NEK6: variants seen among roughly 807,000 people sequenced by gnomAD.
The protein encoded by NEK6 is NIMA related kinase 6.
A neutral mutation model predicts 43.5 loss-of-function variants in NEK6; 27 were observed. That is an observed-to-expected ratio of 0.62 (90% CI 0.46 to 0.86). The LOEUF is 0.86. NEK6 is among the 40% of genes least tolerant of loss of function. The pLI is 0.00. For synonymous variants in NEK6, 167 were observed against 164.1 expected, an observed-to-expected ratio of 1.02 and a Z score of -0.14; for missense variants, 318 against 414.4, an observed-to-expected ratio of 0.77 and a Z score of 2.02.
intron 1 of NEK6, among the ~76,000 whole-genome samples, chr9:124,298,912 G>A (rs970194297): frequency 2.6e-5 from 4 of 152,164 alleles, no homozygotes; most frequent in Admixed American, 1.3e-4. Flanking sequence ...TCTTATTCCC[G>A]GTCCCCCTTG....
intron 1 of NEK6, among the ~76,000 whole-genome samples, chr9:124,300,690 C>T (rs1832922767): frequency 6.6e-6 from 1 of 152,162 alleles, no homozygotes; most frequent in Admixed American, 6.5e-5. Context: ...AACCCGCTGA[C>T]CGCGCCGGGG....
chr9:124,312,936 A>G (rs1326239102), intron 3 of NEK6, among the ~76,000 whole-genome samples: 6 of 152,176 alleles, frequency 3.9e-5, no homozygotes, highest in Non-Finnish European at 7.3e-5. Flanking sequence ...TTGTCATTTC[A>G]TCTCTCAGAT....
intron 1 of NEK6, among the ~76,000 whole-genome samples, chr9:124,269,293 T>G (rs1239264625): frequency 1.3e-5 from 2 of 151,946 alleles, no homozygotes; most frequent in Non-Finnish European, 2.9e-5. Flanking sequence ...TTAATTACTG[T>G]GCCGTGCTAC....
intron 5 of NEK6, among the ~76,000 whole-genome samples, chr9:124,325,302 T>C (rs374296594): frequency 2.0e-5 from 3 of 152,178 alleles, no homozygotes; most frequent in East Asian, 3.8e-4. Context: ...GGCCTAGCCC[T>C]CCCTCTTAGG....
rs535066418 is a variant in NEK6, at chr9:124,343,617, G to C, written c.717+3952G>C. Among the ~76,000 whole-genome samples, 1 of 152,274 alleles carries C rather than the reference G, an allele frequency of 6.6e-6. No homozygotes were observed. Among genetic ancestry groups the C allele is most frequent in the Non-Finnish European group, 1.5e-5 (1 of 68,002 alleles). On this transcript the variant is annotated intron_variant, in intron 8 of 9. Transcript: ENST00000320246. This position sits in a 1 kb window ranked among gnomAD's most constrained non-coding sequence, Gnocchi z 5.1. ...GGAGGAGAGCCACATCTGAGCCCAC[G>C]GCCATGTAATTGGAAAGAGGCCTCC...
chr9:124,348,850 C>T (rs2061841418), intron 9 of NEK6, among the ~76,000 whole-genome samples: 1 of 152,240 alleles, frequency 6.6e-6, no homozygotes, highest in Non-Finnish European at 1.5e-5. Context: ...TGAATCTTCC[C>T]CTCACCCATT....
Position 124,266,336 on chromosome 9 carries a change from A to G in NEK6, c.-30+8251A>G, listed in dbSNP as rs117334269. Among the ~76,000 whole-genome samples the G allele has an allele frequency of 3.2e-3, 485 of 152,288 alleles. 4 individuals carry two copies. The highest frequency in any genetic ancestry group is 0.019 in the South Asian group (92 of 4,820). On this transcript the variant is annotated intron_variant, in intron 1 of 9. Transcript: ENST00000320246. ...CGTTCTGCCCATTTTATAGATGAGG[A>G]AACAGAGACCCAGAGAGTCCAGGAT...
intron 2 of NEK6, among the ~76,000 whole-genome samples, chr9:124,306,338 A>G (rs907030491): frequency 6.6e-6 from 1 of 152,088 alleles, no homozygotes; most frequent in Non-Finnish European, 1.5e-5. Flanking sequence ...TGTTAATGAG[A>G]ATTGTCCTGG....
At chr9:124,268,027 G>A (rs1016975475) in intron 1 of NEK6, among the ~76,000 whole-genome samples, 1 of 152,214 alleles carries the variant, frequency 6.6e-6, no homozygotes, top group African/African-American at 2.4e-5. Context: ...GCTGTCTGCT[G>A]TGCGAAGTCT....
chr9:124,349,531 G>A (rs1830138097), intron 9 of NEK6, among the ~76,000 whole-genome samples: 1 of 152,168 alleles, frequency 6.6e-6, no homozygotes, highest in African/African-American at 2.4e-5. Flanking sequence ...AGTGAGAGGT[G>A]GTGCTCAGGA....
chr9:124,291,323 A>C (rs771013222), intron 1 of NEK6, among the ~76,000 whole-genome samples: 1 of 152,152 alleles, frequency 6.6e-6, no homozygotes, highest in Non-Finnish European at 1.5e-5. Context: ...AGAAAGGGTT[A>C]AGCTTTTAAA....
chr9:124,332,191 G>A (rs1351979519), intron 7 of NEK6, among the ~76,000 whole-genome samples: 3 of 152,256 alleles, frequency 2.0e-5, no homozygotes, highest in Admixed American at 6.5e-5. Context: ...TCATCCATTC[G>A]ACAAGGATCT....
intron 4 of NEK6, among the ~76,000 whole-genome samples, chr9:124,319,038 G>A (rs911915129): frequency 6.6e-6 from 1 of 151,910 alleles, no homozygotes; most frequent in Non-Finnish European, 1.5e-5. Context: ...AAACTGGAGT[G>A]CAGTGGCACA....
intron 1 of NEK6, chr9:124,292,710 G>A: frequency 8.8e-7 from 1 of 1,141,320 alleles, no homozygotes; most frequent in Non-Finnish European, 1.2e-6. Flanking sequence ...TGGTCTCGGG[G>A]GGCCAGGCTT....
intron 1 of NEK6, among the ~76,000 whole-genome samples, chr9:124,278,444 G>A (rs944067402): frequency 2.0e-5 from 3 of 152,170 alleles, no homozygotes; most frequent in Admixed American, 6.5e-5. Flanking sequence ...AGGTCTGTCC[G>A]GGTGTCGTTT....
intron 2 of NEK6, 73 bp from the exon 3 acceptor site, chr9:124,312,436 G>T: frequency 6.7e-7 from 1 of 1,501,130 alleles, no homozygotes; most frequent in East Asian, 2.4e-5. Context: ...TGGGGTGCTG[G>T]GCCTCTAGGG....
chr9:124,305,534 A>G (rs563295510), intron 2 of NEK6, among the ~76,000 whole-genome samples: 10 of 149,858 alleles, frequency 6.7e-5, no homozygotes, highest in South Asian at 2.2e-4. Flanking sequence ...AGCCTGGGCA[A>G]CAGAGTGAGA....
intron 1 of NEK6, among the ~76,000 whole-genome samples, chr9:124,295,688 CT>C (rs1202197904): frequency 2.6e-5 from 4 of 152,342 alleles, no homozygotes; most frequent in African/African-American, 7.2e-5. Flanking sequence ...ATGAGCGGCA[CT>C]GGGCACCTGC....
At chr9:124,316,702 C>T (rs570801897) in intron 4 of NEK6, among the ~76,000 whole-genome samples, 1 of 152,272 alleles carries the variant, frequency 6.6e-6, no homozygotes, top group Non-Finnish European at 1.5e-5. Context: ...TGGACCTTGG[C>T]GATTTAGCCC....
Sources: gnomAD v4.1 joint callset for allele counts (sites outside exome capture counted in the v4.1 genomes callset) on GRCh38, gnomAD v4.1.1 for gene constraint, Gnocchi (gnomAD v3.1) non-coding constraint, MANE v1.5 for transcripts, NCBI Gene and HGNC (gene_info 2026-07-23, HGNC 2026-07-21) for gene names.